The following KLHL32 variants were observed in gnomAD, a reference collection of about 807,000 sequenced individuals.
The protein encoded by KLHL32 is kelch-like protein 32.
KLHL32 carries 35 observed loss-of-function variants against 64.8 expected under a neutral mutation model. The observed-to-expected ratio is 0.54, with a 90% CI of 0.41 to 0.72. The LOEUF is 0.72. KLHL32 is among the 30% of genes least tolerant of loss of function. The probability of loss-of-function intolerance (pLI) is 0.00; values close to 1 mark genes in which losing one functional copy is unlikely to be tolerated. For missense variants in KLHL32, 589 were observed against 768.5 expected (o/e 0.77, Z 2.76); for synonymous variants, 259 against 281.0 (o/e 0.92, Z 0.78).
intron 7 of KLHL32, among the ~76,000 whole-genome samples, chr6:97,114,891 C>CCCTGGCTACCTGACT (rs1797659652): frequency 6.6e-6 from 1 of 152,166 alleles, no homozygotes; most frequent in African/African-American, 2.4e-5. Context: ...GCCATTTCAT[C>CCCTGGCTACCTGACT]AAAGACAAGG....
At chr6:97,125,223 G>A (rs1267001010) in intron 7 of KLHL32, among the ~76,000 whole-genome samples, 1 of 152,192 alleles carries the variant, frequency 6.6e-6, no homozygotes, top group Non-Finnish European at 1.5e-5. Flanking sequence ...CCCTCCTGGG[G>A]TTGAGTGAGA....
chr6:97,030,012 T>C (rs578104605), intron 3 of KLHL32, among the ~76,000 whole-genome samples: 2 of 152,342 alleles, frequency 1.3e-5, no homozygotes, highest in East Asian at 1.9e-4. Flanking sequence ...CTTTTTACTT[T>C]CATTTAACTC....
chr6:97,078,402 G>A (rs778926528), intron 5 of KLHL32, among the ~76,000 whole-genome samples: 196 of 152,286 alleles, frequency 1.3e-3, no homozygotes, highest in Non-Finnish European at 2.4e-3. Context: ...AGTTGTCTAA[G>A]TGAAGTGCAT....
At chr6:97,047,138 T>C (rs887016530) in intron 4 of KLHL32, among the ~76,000 whole-genome samples, 1 of 152,190 alleles carries the variant, frequency 6.6e-6, no homozygotes, top group Admixed American at 6.5e-5. Flanking sequence ...GGCCTACAGA[T>C]TTCATCCAGG....
intron 5 of KLHL32, among the ~76,000 whole-genome samples, chr6:97,065,985 A>G (rs569770449): frequency 6.6e-6 from 1 of 151,556 alleles, no homozygotes; most frequent in African/African-American, 2.4e-5. Flanking sequence ...ATGGTTAATG[A>G]TTTTTTTTTA....
intron 1 of KLHL32, among the ~76,000 whole-genome samples, chr6:96,941,579 A>T (rs569441710): frequency 6.6e-6 from 1 of 152,266 alleles, no homozygotes; most frequent in East Asian, 1.9e-4. Flanking sequence ...TGATGTGATG[A>T]CCAAAAAACA....
At chr6:96,972,707 CA>C (rs1314226345) in intron 2 of KLHL32, among the ~76,000 whole-genome samples, 4 of 152,222 alleles carry the variant, frequency 2.6e-5, no homozygotes, top group Admixed American at 6.5e-5. Flanking sequence ...CTTTATTTCT[CA>C]AAAAATTGAG....
intron 1 of KLHL32, among the ~76,000 whole-genome samples, chr6:96,930,275 G>A (rs915601670): frequency 6.6e-6 from 1 of 152,090 alleles, no homozygotes; most frequent in African/African-American, 2.4e-5. Context: ...TATTATTTAT[G>A]ATTTTTAGTT....
chr6:97,123,099 C>T (rs1242770356), intron 7 of KLHL32, among the ~76,000 whole-genome samples: 1 of 152,174 alleles, frequency 6.6e-6, no homozygotes, highest in Admixed American at 6.5e-5. Context: ...ACTCTATTTA[C>T]CAACAGAGGT....
At chr6:96,910,403 G>A in the KLHL32 span, among the ~76,000 whole-genome samples, 1 of 152,180 alleles carries the variant, frequency 6.6e-6, no homozygotes, top group Non-Finnish European at 1.5e-5. Context: ...TTGCTCCCTT[G>A]TTCATGAGAG....
chr6:97,042,010 T>A (rs531062050), intron 4 of KLHL32, among the ~76,000 whole-genome samples: 1 of 152,312 alleles, frequency 6.6e-6, no homozygotes, highest in African/African-American at 2.4e-5. Flanking sequence ...TACCATGTCC[T>A]CCACATATCT....
chr6:97,014,393 G>GT (rs142191535), intron 3 of KLHL32, among the ~76,000 whole-genome samples: 9,426 of 151,702 alleles, frequency 0.062, 596 homozygotes, highest in African/African-American at 0.16. Flanking sequence ...TAACAAATTG[G>GT]TATATAGTAT....
At chr6:97,089,587 T>C (rs1407468242) in intron 6 of KLHL32, among the ~76,000 whole-genome samples, 28 of 152,164 alleles carry the variant, frequency 1.8e-4, no homozygotes, top group Admixed American at 1.8e-3. Context: ...GAAACCAGCC[T>C]GCCCAACATA....
At chr6:96,954,796 T>G (rs73758075) in intron 1 of KLHL32, among the ~76,000 whole-genome samples, 3,458 of 152,272 alleles carry the variant, frequency 0.023, 139 homozygotes, top group African/African-American at 0.08. Context: ...TAGTGCAGAT[T>G]AGGGGAAGGG....
chr6:96,930,247 A>G (rs2127989638), intron 1 of KLHL32, among the ~76,000 whole-genome samples: 1 of 152,324 alleles, frequency 6.6e-6, no homozygotes, highest in South Asian at 2.1e-4. Flanking sequence ...CTCATTTAAA[A>G]TCATTACTTA....
intron 7 of KLHL32, 123 bp downstream of exon 7, chr6:97,114,632 C>A: frequency 1.7e-6 from 2 of 1,150,596 alleles, no homozygotes; most frequent in South Asian, 1.4e-5. Context: ...GCCATTTTAG[C>A]TAATTAACAT....
At chr6:97,122,500 T>A (rs1269831730) in intron 7 of KLHL32, among the ~76,000 whole-genome samples, 1 of 152,216 alleles carries the variant, frequency 6.6e-6, no homozygotes, top group Non-Finnish European at 1.5e-5. Context: ...TTATAAATGT[T>A]CCTATGGTAT....
chr6:96,915,811 G>A, the KLHL32 span, among the ~76,000 whole-genome samples: 1 of 152,262 alleles, frequency 6.6e-6, no homozygotes, highest in East Asian at 1.9e-4. Flanking sequence ...TTGGCATAAG[G>A]ATTATTTTGA....
intron 6 of KLHL32, among the ~76,000 whole-genome samples, chr6:97,113,427 G>A (rs959312317): frequency 6.6e-6 from 1 of 152,102 alleles, no homozygotes; most frequent in African/African-American, 2.4e-5. Context: ...TTTCCTGGTG[G>A]TGGGGTGTAC....
Sources: allele counts gnomAD v4.1 joint callset (sites outside exome capture counted in the v4.1 genomes callset), GRCh38; gene constraint gnomAD v4.1.1; transcripts MANE v1.5; gene names NCBI Gene and HGNC (gene_info 2026-07-23, HGNC 2026-07-21).